Variants in TENM2 observed in about 807,000 individuals in gnomAD.
The protein encoded by TENM2 is teneurin transmembrane protein 2, also known as teneurin-2.
TENM2 carries 52 observed loss-of-function variants against 245.2 expected under a neutral mutation model. That is an observed-to-expected ratio of 0.21 (90% CI 0.17 to 0.27). TENM2 has a LOEUF of 0.27. Among genes scored for constraint, TENM2 ranks in the 10% least tolerant of loss-of-function variants. The probability of loss-of-function intolerance (pLI) is 1.00; values close to 1 mark genes in which losing one functional copy is unlikely to be tolerated. For missense variants in TENM2, 3,046 were observed against 3,666.8 expected (o/e 0.83, Z 4.37); for synonymous variants, 1,363 against 1,438.9 (o/e 0.95, Z 1.19).
chr5:167,718,978 T>C (rs1404309046), intron 2 of TENM2, among the ~76,000 whole-genome samples: 1 of 152,218 alleles, frequency 6.6e-6, no homozygotes, highest in African/African-American at 2.4e-5. Flanking sequence ...TATTTATTAT[T>C]GTTTCTAGTT....
the TENM2 span, among the ~76,000 whole-genome samples, chr5:167,179,805 C>T: frequency 6.6e-6 from 1 of 152,096 alleles, no homozygotes; most frequent in South Asian, 2.1e-4. Context: ...AAACCAGGAC[C>T]GTTGGTCACC....
At chr5:168,086,711 G>A (rs572282235) in intron 7 of TENM2, among the ~76,000 whole-genome samples, 4 of 152,166 alleles carry the variant, frequency 2.6e-5, no homozygotes, top group Non-Finnish European at 4.4e-5. Flanking sequence ...TTTAGTCAAC[G>A]AGGCACAGTT....
the TENM2 span, among the ~76,000 whole-genome samples, chr5:167,088,446 G>A: frequency 2.6e-5 from 4 of 151,980 alleles, no homozygotes; most frequent in African/African-American, 9.7e-5. Context: ...GGCCAACATG[G>A]TGAAACCTGC....
At chr5:168,103,107 C>T (rs960722790) in intron 9 of TENM2, among the ~76,000 whole-genome samples, 4 of 151,884 alleles carry the variant, frequency 2.6e-5, no homozygotes, top group Admixed American at 2.0e-4. Context: ...GTTCAATTCC[C>T]ACCTATGAGC....
At chr5:167,701,049 A>T (rs1044270634) in intron 2 of TENM2, among the ~76,000 whole-genome samples, 29 of 151,322 alleles carry the variant, frequency 1.9e-4, no homozygotes, top group African/African-American at 6.5e-4. Flanking sequence ...AGCAGGAATT[A>T]TTCAGGTAAA....
At chr5:167,992,630 A>G (rs1398428755) in intron 4 of TENM2, among the ~76,000 whole-genome samples, 2 of 152,202 alleles carry the variant, frequency 1.3e-5, no homozygotes, top group East Asian at 3.9e-4. Flanking sequence ...AATATGTGAT[A>G]ACACTTAGCA....
chr5:167,242,679 C>A, the TENM2 span, among the ~76,000 whole-genome samples: 9 of 152,106 alleles, frequency 5.9e-5, no homozygotes, highest in South Asian at 1.9e-3. Context: ...ATTTTATTTT[C>A]TCTTGCTTTA....
At chr5:167,086,251 T>C in the TENM2 span, among the ~76,000 whole-genome samples, 1 of 152,218 alleles carries the variant, frequency 6.6e-6, no homozygotes, top group African/African-American at 2.4e-5. Context: ...TCCCTCTCGC[T>C]TTCTATGTGA....
intron 6 of TENM2, 82 bp from the exon 9 acceptor site, chr5:168,061,978 C>A: frequency 3.2e-6 from 4 of 1,245,214 alleles, no homozygotes; most frequent in South Asian, 1.6e-5. Flanking sequence ...CAAAAAAAAA[C>A]CTGGCATGTA....
chr5:167,424,104 A>C (rs1763670584), intron 2 of TENM2, among the ~76,000 whole-genome samples: 1 of 151,790 alleles, frequency 6.6e-6, no homozygotes, highest in South Asian at 2.1e-4. Flanking sequence ...AAATCCATTA[A>C]TTTTCTATTC....
intron 2 of TENM2, among the ~76,000 whole-genome samples, chr5:167,730,316 A>C (rs1199739189): frequency 6.6e-6 from 1 of 152,208 alleles, no homozygotes; most frequent in Non-Finnish European, 1.5e-5. Flanking sequence ...GGAGCTGTGA[A>C]GACAAAGGTA....
intron 2 of TENM2, among the ~76,000 whole-genome samples, chr5:167,835,026 C>G (rs1768861775): frequency 6.6e-6 from 1 of 152,180 alleles, no homozygotes; most frequent in Admixed American, 6.5e-5. Context: ...CAAGAAATAT[C>G]TGGGTTCAAA....
chr5:167,221,644 A>G, the TENM2 span, among the ~76,000 whole-genome samples: 1 of 152,236 alleles, frequency 6.6e-6, no homozygotes, highest in Admixed American at 6.5e-5. Flanking sequence ...CACATGTTTA[A>G]TTTTAGCAAG....
intron 12 of TENM2, among the ~76,000 whole-genome samples, chr5:168,140,820 G>C (rs554644760): frequency 6.6e-6 from 1 of 152,100 alleles, no homozygotes; most frequent in African/African-American, 2.4e-5. Flanking sequence ...GTCTTTCCCT[G>C]ACAGAGCTAG....
intron 2 of TENM2, among the ~76,000 whole-genome samples, chr5:167,720,181 A>T (rs891843360): frequency 1.3e-5 from 2 of 152,210 alleles, no homozygotes; most frequent in African/African-American, 4.8e-5. Flanking sequence ...GACAGGAAAC[A>T]CTGATCTAGT....
At chr5:168,246,300 C>T (rs1208820199) in intron 26 of TENM2, among the ~76,000 whole-genome samples, 1 of 151,890 alleles carries the variant, frequency 6.6e-6, no homozygotes, top group Non-Finnish European at 1.5e-5. Flanking sequence ...ATGTGTTTCA[C>T]ACAGCTCCCC....
At chr5:167,414,559 G>A (rs1763069488) in intron 2 of TENM2, among the ~76,000 whole-genome samples, 1 of 152,042 alleles carries the variant, frequency 6.6e-6, no homozygotes, top group South Asian at 2.1e-4. Flanking sequence ...GGTAGTAGGG[G>A]CCCTGGTTCG....
chr5:168,218,526 C>T lies in TENM2; in HGVS notation c.4635C>T (p.Ser1545=), dbSNP rs1371285442. 4.3e-6 allele frequency: 7 copies of T among 1,613,880 alleles called. No homozygotes were observed. In the African/African-American group the frequency reaches 6.7e-5, roughly 15 times the overall value. The change falls in exon 23 of 29, where the codon TCC becomes TCT. Residue 1545 remains serine (S), a synonymous_variant. Coordinates refer to ENST00000518659, the Ensembl canonical transcript of TENM2. This position sits in a 1 kb window ranked among gnomAD's most constrained non-coding sequence, Gnocchi z 5.2. ...ACGCGACTGATGCCATCTTGAATTC[C>T]CCATCATCCTTAGCTGTAGCTCCAG...
At chr5:167,541,083 A>G (rs1332321379) in intron 2 of TENM2, among the ~76,000 whole-genome samples, 1 of 152,186 alleles carries the variant, frequency 6.6e-6, no homozygotes, top group Non-Finnish European at 1.5e-5. Context: ...CTAAACTAAA[A>G]TGATCTCACT....
Sources: allele counts gnomAD v4.1 joint callset (sites outside exome capture counted in the v4.1 genomes callset), GRCh38; gene constraint gnomAD v4.1.1; non-coding constraint Gnocchi (gnomAD v3.1); transcripts MANE v1.5; gene names NCBI Gene and HGNC (gene_info 2026-07-23, HGNC 2026-07-21).